MGST1: variants seen among roughly 807,000 people sequenced by gnomAD.
MGST1 encodes microsomal glutathione S-transferase 1.
A neutral mutation model predicts 8.9 loss-of-function variants in MGST1; 5 were observed. The ratio of observed to expected loss-of-function variants is 0.56; its 90% confidence interval spans 0.29 to 1.19. The LOEUF (loss-of-function observed/expected upper bound fraction) is 1.19, where lower values mean the gene tolerates loss of function less well. MGST1 is among the 50% of genes most tolerant of loss of function. The pLI is 0.08. For synonymous variants in MGST1, 54 were observed against 67.8 expected, an observed-to-expected ratio of 0.80 and a Z score of 1.00; for missense variants, 182 against 187.4, an observed-to-expected ratio of 0.97 and a Z score of 0.17.
intron 4 of MGST1, among the ~76,000 whole-genome samples, chr12:16,474,349 AAATTCTGATACTTCTAAAAAACATTGTC>A (rs986337369): frequency 6.6e-6 from 1 of 152,226 alleles, no homozygotes; most frequent in Non-Finnish European, 1.5e-5. Context: ...CATCAGGGAA[AAATTCTGATACTTCTAAAAAACATTGTC>A]AATTCTGATA....
chr12:16,516,557 G>A (rs572534489), intron 4 of MGST1, among the ~76,000 whole-genome samples: 1 of 152,220 alleles, frequency 6.6e-6, no homozygotes, highest in African/African-American at 2.4e-5. Context: ...TGAAAGTTGG[G>A]GAGATAAGCT....
chr12:16,557,565 A>T (rs1035567263), intron 4 of MGST1, among the ~76,000 whole-genome samples: 3 of 152,048 alleles, frequency 2.0e-5, no homozygotes, highest in African/African-American at 7.2e-5. Context: ...CCAGATAGAG[A>T]TATGAGCATT....
At chr12:16,541,357 A>G (rs1177384781) in intron 4 of MGST1, among the ~76,000 whole-genome samples, 1 of 152,168 alleles carries the variant, frequency 6.6e-6, no homozygotes, top group Non-Finnish European at 1.5e-5. Context: ...TAAGGCAAGG[A>G]TCTGACATTA....
intron 1 of MGST1, among the ~76,000 whole-genome samples, chr12:16,351,240 T>C (rs1008714069): frequency 6.6e-6 from 1 of 152,184 alleles, no homozygotes. Context: ...GGCCTGGGAC[T>C]TAGGGATCCT....
At chr12:16,557,593 A>C (rs1942240529) in intron 4 of MGST1, among the ~76,000 whole-genome samples, 1 of 152,092 alleles carries the variant, frequency 6.6e-6, no homozygotes, top group East Asian at 1.9e-4. Context: ...ATACAATCTG[A>C]ATATCTACAT....
At chr12:16,399,284 CTT>C in intron 1 of MGST1, 1 of 1,605,474 alleles carries the variant, frequency 6.2e-7, no homozygotes, top group Non-Finnish European at 8.5e-7. Context: ...GTTACTTCCT[CTT>C]TTTCTTGGGG....
At chr12:16,425,647 T>C (rs1940878970) in intron 1 of MGST1, among the ~76,000 whole-genome samples, 1 of 152,126 alleles carries the variant, frequency 6.6e-6, no homozygotes, top group Admixed American at 6.5e-5. Flanking sequence ...TCTACCTCCA[T>C]GATGACAACA....
At chr12:16,436,383 G>A (rs951771370) in intron 1 of MGST1, among the ~76,000 whole-genome samples, 5 of 151,826 alleles carry the variant, frequency 3.3e-5, no homozygotes, top group Non-Finnish European at 5.9e-5. Context: ...AAACTTGATC[G>A]AAGAGGTGAA....
chr12:16,579,927 A>G (rs931708084), intron 4 of MGST1, among the ~76,000 whole-genome samples: 2 of 152,190 alleles, frequency 1.3e-5, no homozygotes, highest in Non-Finnish European at 2.9e-5. Context: ...AGAACCAGGT[A>G]TCTGTTGGTA....
chr12:16,404,438 C>T (rs1054894226), intron 1 of MGST1, among the ~76,000 whole-genome samples: 1 of 151,846 alleles, frequency 6.6e-6, no homozygotes, highest in African/African-American at 2.4e-5. Context: ...TTTAATGTAA[C>T]TGCTGATATA....
chr12:16,563,073 G>T (rs1275367893), intron 4 of MGST1, among the ~76,000 whole-genome samples: 1 of 151,930 alleles, frequency 6.6e-6, no homozygotes, highest in Non-Finnish European at 1.5e-5. Flanking sequence ...CTCGCTGGAG[G>T]CTCCATCAGT....
intron 4 of MGST1, among the ~76,000 whole-genome samples, chr12:16,486,247 T>A (rs1941398620): frequency 6.6e-6 from 1 of 152,222 alleles, no homozygotes; most frequent in African/African-American, 2.4e-5. Context: ...CAATTATTTG[T>A]ATGTCTCTTT....
chr12:16,564,695 T>G (rs1942528529), intron 4 of MGST1, among the ~76,000 whole-genome samples: 2 of 152,196 alleles, frequency 1.3e-5, no homozygotes, highest in South Asian at 4.1e-4. Flanking sequence ...TTGAGGAAAA[T>G]GCACAAATAT....
intron 4 of MGST1, among the ~76,000 whole-genome samples, chr12:16,475,196 A>C (rs2137138599): frequency 6.6e-6 from 1 of 152,374 alleles, no homozygotes; most frequent in South Asian, 2.1e-4. Context: ...CCCAGCATAT[A>C]CATGAGTTGT....
Position 16,500,831 on chromosome 12 carries a change from C to T in MGST1, n.483-88697C>T, listed in dbSNP as rs118116203. Among the ~76,000 whole-genome samples, 198 of 152,162 alleles carry T rather than the reference C, an allele frequency of 1.3e-3. 4 individuals are homozygous for T. The East Asian group carries it at 0.032, about 25-fold the overall frequency. ...AATGAAAATGTACTTAGAGGTTGGG[C>T]GTGGTGGCTCACGCCTGTAATCCCA... On this transcript the variant is annotated intron_variant and non_coding_transcript_variant, in intron 4 of 4. Transcript: ENST00000538857. The surrounding 1 kb of genome is among the most constrained non-coding windows in gnomAD (Gnocchi z 4.3).
Position 16,522,071 on chromosome 12 carries a change from AGAGGC to A in MGST1, n.483-67455_483-67451del, listed in dbSNP as rs1306142861. 2.0e-5 allele frequency among the ~76,000 whole-genome samples: 3 copies of A among 152,256 alleles called. No individual in the cohort carries two copies. In the South Asian group the frequency reaches 6.2e-4, roughly 32 times the overall value. ...AATTTAATTTTGCAGTCCCAACATG[AGAGGC>A]GCTTCATGCTGAAATGTCTCACAGG... On this transcript the variant is annotated intron_variant and non_coding_transcript_variant, in intron 4 of 4. Transcript: ENST00000538857.
At chr12:16,395,820 CA>C (rs1940601521) in intron 1 of MGST1, among the ~76,000 whole-genome samples, 1 of 127,478 alleles carries the variant, frequency 7.8e-6, no homozygotes, top group Non-Finnish European at 1.6e-5. Context: ...CACACACACA[CA>C]CACACCACAA....
intron 4 of MGST1, among the ~76,000 whole-genome samples, chr12:16,475,400 T>C (rs1941316430): frequency 6.6e-6 from 1 of 152,208 alleles, no homozygotes; most frequent in Middle Eastern, 3.2e-3. Context: ...GAATCTGTCA[T>C]CTTTTAAAAC....
downstream of MGST1, among the ~76,000 whole-genome samples, chr12:16,590,900 T>C (rs537751811): frequency 6.6e-6 from 1 of 152,130 alleles, no homozygotes; most frequent in East Asian, 1.9e-4. Flanking sequence ...CAACTATTAC[T>C]TAATCACACA....
Sources: allele counts gnomAD v4.1 joint callset (sites outside exome capture counted in the v4.1 genomes callset), GRCh38; gene constraint gnomAD v4.1.1; non-coding constraint Gnocchi (gnomAD v3.1); transcripts MANE v1.5; gene names NCBI Gene and HGNC (gene_info 2026-07-23, HGNC 2026-07-21).